The following LHCGR variants were observed in gnomAD, a reference collection of about 807,000 sequenced individuals.
LHCGR encodes the protein luteinizing hormone/choriogonadotropin receptor.
Under a neutral mutation model 60.7 loss-of-function variants are expected in LHCGR, and 55 were observed. The ratio of observed to expected loss-of-function variants is 0.91; its 90% CI spans 0.73 to 1.13. The LOEUF is 1.13. Among genes scored for constraint, LHCGR ranks in the 50% most tolerant of loss-of-function variants. LHCGR has a pLI of 0.00. For synonymous variants in LHCGR, 337 were observed against 316.5 expected (o/e 1.06, Z -0.69); for missense variants, 862 against 836.0 (o/e 1.03, Z -0.38).
chr2:48,690,592 T>TA (rs1432267503), intron 10 of LHCGR, among the ~76,000 whole-genome samples: 1 of 152,230 alleles, frequency 6.6e-6, no homozygotes, highest in Non-Finnish European at 1.5e-5. Flanking sequence ...GTTCTCTGAA[T>TA]AAGTTCTACT....
chr2:48,750,644 T>A (rs1047629733), intron 1 of LHCGR, among the ~76,000 whole-genome samples: 1 of 152,226 alleles, frequency 6.6e-6, no homozygotes, highest in African/African-American at 2.4e-5. Flanking sequence ...CTTTTCTGCA[T>A]GAGTTAATTG....
intron 1 of LHCGR, among the ~76,000 whole-genome samples, chr2:48,740,767 C>A (rs893362645): frequency 1.2e-3 from 186 of 152,264 alleles, no homozygotes; most frequent in Non-Finnish European, 2.2e-3. Flanking sequence ...AAACTGGAAA[C>A]TCAAAAAAGC....
chr2:48,703,814 A>G (rs1164520799), intron 8 of LHCGR, among the ~76,000 whole-genome samples: 50 of 152,194 alleles, frequency 3.3e-4, no homozygotes, highest in Non-Finnish European at 2.9e-5. Flanking sequence ...TTCTAAATAT[A>G]CAATGATGTC....
chr2:48,739,068 G>C (rs1234460881), intron 1 of LHCGR, among the ~76,000 whole-genome samples: 1 of 152,034 alleles, frequency 6.6e-6, no homozygotes, highest in African/African-American at 2.4e-5. Flanking sequence ...ATTCTACCCT[G>C]GATTAAAGGT....
chr2:48,751,336 C>G (rs764011904), intron 1 of LHCGR, among the ~76,000 whole-genome samples: 2 of 152,300 alleles, frequency 1.3e-5, no homozygotes, highest in East Asian at 1.9e-4. Context: ...ATTTCCCCCC[C>G]AGCCTGGGAA....
At chr2:48,722,476 T>C (rs954994308) in intron 6 of LHCGR, among the ~76,000 whole-genome samples, 11 of 151,906 alleles carry the variant, frequency 7.2e-5, no homozygotes, top group Admixed American at 5.9e-4. Flanking sequence ...TGGTGGGAGG[T>C]GACTGGATCA....
chr2:48,729,084 T>C, intron 3 of LHCGR, 69 bp downstream of exon 3: 2 of 1,186,204 alleles, frequency 1.7e-6, no homozygotes, highest in Non-Finnish European at 2.5e-6. Flanking sequence ...TGAATACAAA[T>C]ACCAAGTGGG....
chr2:48,741,973 T>C (rs1442742484), intron 1 of LHCGR, among the ~76,000 whole-genome samples: 2 of 151,872 alleles, frequency 1.3e-5, no homozygotes, highest in Admixed American at 6.6e-5. Context: ...CACACATAGG[T>C]TCAAAATAAA....
chr2:48,746,877 G>A (rs887362984), intron 1 of LHCGR, among the ~76,000 whole-genome samples: 3 of 152,196 alleles, frequency 2.0e-5, no homozygotes, highest in Admixed American at 6.5e-5. Context: ...CCTGGGGAAT[G>A]TCTGCCTCAC....
intron 4 of LHCGR, among the ~76,000 whole-genome samples, chr2:48,724,591 G>A (rs550238857): frequency 6.6e-6 from 1 of 152,098 alleles, no homozygotes; most frequent in Non-Finnish European, 1.5e-5. Context: ...GTGTACTTGG[G>A]TTGGGTGAAT....
At chr2:48,693,005 T>C (rs1046103612) in intron 10 of LHCGR, among the ~76,000 whole-genome samples, 12 of 152,152 alleles carry the variant, frequency 7.9e-5, no homozygotes, top group East Asian at 3.9e-4. Context: ...GAGGATTATA[T>C]TGAGGATGGT....
chr2:48,738,007 A>AT (rs1413486195), intron 1 of LHCGR, among the ~76,000 whole-genome samples: 2 of 152,188 alleles, frequency 1.3e-5, no homozygotes, highest in African/African-American at 4.8e-5. Context: ...ATCAAGTCAC[A>AT]TCAGTACTGT....
intron 1 of LHCGR, among the ~76,000 whole-genome samples, chr2:48,735,711 A>G (rs1489883040): frequency 6.6e-6 from 1 of 152,198 alleles, no homozygotes; most frequent in African/African-American, 2.4e-5. Flanking sequence ...TGGGCTACCC[A>G]AGTCACTCTT....
chr2:48,698,476 T>A (rs554092626), intron 9 of LHCGR, 139 bp downstream of exon 9: 1 of 709,714 alleles, frequency 1.4e-6, no homozygotes, highest in East Asian at 2.7e-5. Context: ...TCTTGTCTAT[T>A]TGAAAGTGAC....
At chr2:48,723,427 G>A in intron 6 of LHCGR, 29 bp downstream of exon 6, 1 of 1,501,056 alleles carries the variant, frequency 6.7e-7, no homozygotes, top group South Asian at 1.1e-5. Context: ...AGGCTGTATG[G>A]CAGAACACAA....
intron 1 of LHCGR, among the ~76,000 whole-genome samples, chr2:48,749,820 C>T (rs1040383532): frequency 6.6e-6 from 1 of 151,676 alleles, no homozygotes; most frequent in Non-Finnish European, 1.5e-5. Context: ...AACCTTTTGG[C>T]TCTACACTTG....
chr2:48,742,117 G>C (rs1445123640), intron 1 of LHCGR, among the ~76,000 whole-genome samples: 1 of 151,738 alleles, frequency 6.6e-6, no homozygotes, highest in South Asian at 2.1e-4. Flanking sequence ...AATGGTAAAG[G>C]GATCAATTCA....
chr2:48,746,990 CCT>C (rs56210611), intron 1 of LHCGR, among the ~76,000 whole-genome samples: 18,236 of 151,938 alleles, frequency 0.12, 1,440 homozygotes, highest in South Asian at 0.3. Flanking sequence ...ATTAAAAGCG[CCT>C]CTTTCCCAAC....
intron 10 of LHCGR, among the ~76,000 whole-genome samples, chr2:48,689,549 T>C (rs1307632465): frequency 6.6e-6 from 1 of 152,162 alleles, no homozygotes; most frequent in Non-Finnish European, 1.5e-5. Context: ...AGGAAGAATA[T>C]AGTTGTGGAC....
Sources: allele counts gnomAD v4.1 joint callset (sites outside exome capture counted in the v4.1 genomes callset), GRCh38; gene constraint gnomAD v4.1.1; transcripts MANE v1.5; gene names NCBI Gene and HGNC (gene_info 2026-07-23, HGNC 2026-07-21).